ERBB4: variants seen among roughly 807,000 people sequenced by gnomAD.
ERBB4 encodes the protein receptor tyrosine-protein kinase erbB-4.
Under a neutral mutation model 158.0 loss-of-function variants are expected in ERBB4, and 42 were observed. The ratio of observed to expected loss-of-function variants is 0.27; its 90% CI spans 0.21 to 0.34. ERBB4 has a LOEUF of 0.34. Ranked by LOEUF, ERBB4 falls within the 10% of genes least tolerant of loss-of-function variation. The probability of loss-of-function intolerance (pLI) is 1.00; values close to 1 mark genes in which losing one functional copy is unlikely to be tolerated. For synonymous variants in ERBB4, 583 were observed against 558.7 expected (o/e 1.04, Z -0.61); for missense variants, 1,333 against 1,624.1 (o/e 0.82, Z 3.08).
chr2:211,822,734 A>G (rs965643517), intron 3 of ERBB4, among the ~76,000 whole-genome samples: 3 of 151,740 alleles, frequency 2.0e-5, no homozygotes, highest in African/African-American at 7.3e-5. Flanking sequence ...TATTTATTAT[A>G]TAATGATGCA....
chr2:211,411,286 AC>A (rs1375946816), intron 25 of ERBB4, among the ~76,000 whole-genome samples: 1 of 152,222 alleles, frequency 6.6e-6, no homozygotes, highest in Non-Finnish European at 1.5e-5. Flanking sequence ...TAAGAAAGTC[AC>A]TGGTAGAAAA....
At chr2:211,931,699 T>C (rs2080181581) in intron 3 of ERBB4, among the ~76,000 whole-genome samples, 1 of 152,006 alleles carries the variant, frequency 6.6e-6, no homozygotes, top group South Asian at 2.1e-4. Flanking sequence ...TTATCTAAGG[T>C]ATAAGTGGAA....
intron 7 of ERBB4, among the ~76,000 whole-genome samples, chr2:211,719,839 AG>A (rs1200689974): frequency 4.7e-5 from 7 of 149,604 alleles, no homozygotes; most frequent in African/African-American, 1.7e-4. Context: ...TGGGTGACAG[AG>A]CGAGATTCTG....
At chr2:211,448,277 AT>A (rs2064160671) in intron 20 of ERBB4, among the ~76,000 whole-genome samples, 1 of 152,052 alleles carries the variant, frequency 6.6e-6, no homozygotes. Flanking sequence ...CCAGCCTATT[AT>A]TATTTTTAAT....
chr2:211,942,576 A>G (rs2125124817), intron 3 of ERBB4, among the ~76,000 whole-genome samples: 1 of 152,046 alleles, frequency 6.6e-6, no homozygotes, highest in East Asian at 1.9e-4. Flanking sequence ...TTTCATTACT[A>G]TTGAGGGCTT....
intron 10 of ERBB4, among the ~76,000 whole-genome samples, chr2:211,704,618 T>C (rs528278182): frequency 6.6e-6 from 1 of 152,342 alleles, no homozygotes; most frequent in African/African-American, 2.4e-5. Context: ...CTGATTCATA[T>C]CTATGGGTCC....
chr2:211,776,932 T>C (rs2075891587), intron 4 of ERBB4, among the ~76,000 whole-genome samples: 1 of 152,138 alleles, frequency 6.6e-6, no homozygotes, highest in Admixed American at 6.6e-5. Context: ...ATTACATCAA[T>C]TGAGGTGTAG....
At chr2:212,080,578 A>C (rs1489115142) in intron 2 of ERBB4, among the ~76,000 whole-genome samples, 1 of 148,588 alleles carries the variant, frequency 6.7e-6, no homozygotes, top group Non-Finnish European at 1.5e-5. Context: ...ATAGCCTCAG[A>C]GTTCACCCAA....
chr2:212,457,222 A>AAT (rs921303930), intron 1 of ERBB4, among the ~76,000 whole-genome samples: 2 of 151,964 alleles, frequency 1.3e-5, no homozygotes, highest in Non-Finnish European at 2.9e-5. Context: ...TTTTGCTCTA[A>AAT]ATATATATAT....
chr2:212,474,822 C>CTTTT (rs539959668), intron 1 of ERBB4, among the ~76,000 whole-genome samples: 7 of 94,412 alleles, frequency 7.4e-5, no homozygotes, highest in Non-Finnish European at 9.4e-5. Context: ...CCCGGCCATT[C>CTTTT]TTTTTTTTTT....
At chr2:212,140,060 AAAG>A (rs2080400675) in intron 1 of ERBB4, among the ~76,000 whole-genome samples, 1 of 151,870 alleles carries the variant, frequency 6.6e-6, no homozygotes, top group African/African-American at 2.4e-5. Context: ...TATAACTTGT[AAAG>A]AAGACTTAAT....
rs563647357 is a variant in ERBB4, at chr2:212,505,511, T to C, written c.82+32938A>G. Among the ~76,000 whole-genome samples, 154 of 129,914 alleles carry C rather than the reference T, an allele frequency of 1.2e-3. 2 individuals carry two copies. Among genetic ancestry groups the C allele is most frequent in the African/African-American group, 3.8e-3 (150 of 39,932 alleles). 85.2% of individuals were successfully genotyped at this position (129,914 alleles called of 152,430 possible). ...ATGTTATAAAATTGGAAAGTATCATTGGGAAACACAGTCTTCCAAAGGGTC... is the reference window on the plus strand; with the variant it reads ...ATGTTATAAAATTGGAAAGTATCATCGGGAAACACAGTCTTCCAAAGGGTC... On this transcript the variant is annotated intron_variant, in intron 1 of 27. Transcript: ENST00000342788.
intron 1 of ERBB4, among the ~76,000 whole-genome samples, chr2:212,472,077 T>C (rs1689142237): frequency 1.3e-5 from 2 of 151,912 alleles, no homozygotes; most frequent in African/African-American, 4.8e-5. Context: ...TATTTAATCA[T>C]GCAAAATCCA....
intron 17 of ERBB4, among the ~76,000 whole-genome samples, chr2:211,629,817 A>G (rs2070031411): frequency 6.6e-6 from 1 of 152,168 alleles, no homozygotes; most frequent in African/African-American, 2.4e-5. Flanking sequence ...TATTTAATAA[A>G]TGGTGCTGGG....
chr2:211,734,850 G>A (rs987165127), intron 5 of ERBB4, among the ~76,000 whole-genome samples: 1 of 143,692 alleles, frequency 7.0e-6, no homozygotes, highest in Admixed American at 7.1e-5. Flanking sequence ...GAACTTGGGA[G>A]GCAGAGCCCC....
chr2:212,514,636 C>G (rs187989462), intron 1 of ERBB4, among the ~76,000 whole-genome samples: 1 of 152,128 alleles, frequency 6.6e-6, no homozygotes, highest in Admixed American at 6.5e-5. Context: ...AAAACCCCGT[C>G]TCTACTAAAA....
At chr2:211,848,922 A>C (rs1315916777) in intron 3 of ERBB4, among the ~76,000 whole-genome samples, 5 of 152,096 alleles carry the variant, frequency 3.3e-5, no homozygotes, top group Admixed American at 3.3e-4. Flanking sequence ...ATGGTACATA[A>C]ATTTATTTCC....
intron 19 of ERBB4, among the ~76,000 whole-genome samples, chr2:211,613,359 A>G (rs1160810079): frequency 1.3e-5 from 2 of 149,122 alleles, no homozygotes; most frequent in African/African-American, 5.2e-5. Flanking sequence ...GAGACAAAGG[A>G]GAGTCAGTGA....
intron 2 of ERBB4, among the ~76,000 whole-genome samples, chr2:212,100,070 C>T (rs891023623): frequency 6.6e-6 from 1 of 151,888 alleles, no homozygotes; most frequent in Non-Finnish European, 1.5e-5. Flanking sequence ...AAAGATTGTA[C>T]ATCAATGGTC....
Sources: allele counts gnomAD v4.1 joint callset (sites outside exome capture counted in the v4.1 genomes callset), GRCh38; gene constraint gnomAD v4.1.1; transcripts MANE v1.5; gene names NCBI Gene and HGNC (gene_info 2026-07-23, HGNC 2026-07-21).